PHACTR1: variants seen among roughly 807,000 people sequenced by gnomAD.
PHACTR1 encodes phosphatase and actin regulator 1, also known as RPEL repeat containing 1.
PHACTR1 carries 16 observed loss-of-function variants against 69.2 expected under a neutral mutation model. That is an observed-to-expected ratio of 0.23 (90% confidence interval 0.16 to 0.35). The LOEUF (loss-of-function observed/expected upper bound fraction) is 0.35. PHACTR1 is among the 10% of genes least tolerant of loss of function. The pLI is 1.00. For missense variants in PHACTR1, 510 were observed against 734.7 expected, an observed-to-expected ratio of 0.69 and a Z score of 3.54; for synonymous variants, 312 against 284.5, an observed-to-expected ratio of 1.10 and a Z score of -0.97.
At chr6:12,760,533 A>T (rs2127610168) in intron 4 of PHACTR1, among the ~76,000 whole-genome samples, 1 of 152,272 alleles carries the variant, frequency 6.6e-6, no homozygotes, top group African/African-American at 2.4e-5. Context: ...GAGCAGAGAA[A>T]GAGATACAGG....
intron 4 of PHACTR1, among the ~76,000 whole-genome samples, chr6:12,963,881 CT>C (rs1377923015): frequency 6.6e-6 from 1 of 152,194 alleles, no homozygotes; most frequent in Non-Finnish European, 1.5e-5. Flanking sequence ...TTATTTAGCT[CT>C]GATTTCAAGG....
chr6:13,247,499 C>T (rs1396782200), intron 10 of PHACTR1, among the ~76,000 whole-genome samples: 1 of 152,098 alleles, frequency 6.6e-6, no homozygotes, highest in Admixed American at 6.5e-5. Flanking sequence ...GCGCCAGCCA[C>T]CATGCCTGGC....
Position 13,101,781 on chromosome 6 carries a change from G to A in PHACTR1, c.415+48252G>A, listed in dbSNP as rs1815203638. ...AAGAGATTTCTGAAAAGACAAAGAG[G>A]AGCTTAACTTTTGCAATAAGAATGG... On this transcript the variant is annotated intron_variant, in intron 5 of 14. Transcript: ENST00000332995. 2.0e-5 allele frequency among the ~76,000 whole-genome samples: 3 copies of A among 152,144 alleles called. No homozygotes were observed. The South Asian group carries it at 6.2e-4, about 32-fold the overall frequency.
chr6:13,042,191 C>T (rs555951506), intron 4 of PHACTR1, among the ~76,000 whole-genome samples: 36 of 152,230 alleles, frequency 2.4e-4, no homozygotes, highest in Non-Finnish European at 4.0e-4. Flanking sequence ...AAATGTTATA[C>T]CCCACCTACA....
chr6:13,218,019 G>A (rs1767945259), intron 8 of PHACTR1, among the ~76,000 whole-genome samples: 1 of 152,156 alleles, frequency 6.6e-6, no homozygotes, highest in Admixed American at 6.5e-5. Context: ...TTGGCTTTCA[G>A]TGTCATATTT....
At chr6:13,121,194 G>T (rs1026199647) in intron 5 of PHACTR1, among the ~76,000 whole-genome samples, 15 of 152,200 alleles carry the variant, frequency 9.9e-5, no homozygotes, top group African/African-American at 3.6e-4. Context: ...AGTACAGTGT[G>T]CCTGGAGGGA....
chr6:12,758,216 A>T (rs1188832624), intron 4 of PHACTR1, among the ~76,000 whole-genome samples: 1 of 152,102 alleles, frequency 6.6e-6, no homozygotes, highest in African/African-American at 2.4e-5. Context: ...AGGCTGAGGC[A>T]GGCAGATTAC....
chr6:12,951,626 A>G (rs1341302380), intron 4 of PHACTR1, among the ~76,000 whole-genome samples: 1 of 152,188 alleles, frequency 6.6e-6, no homozygotes, highest in East Asian at 1.9e-4. Flanking sequence ...CACACAGAGC[A>G]AAAAGCCTCT....
chr6:12,844,450 A>G, intron 4 of PHACTR1, among the ~76,000 whole-genome samples: 1 of 152,016 alleles, frequency 6.6e-6, no homozygotes, highest in East Asian at 1.9e-4. Context: ...AACAAGAGCA[A>G]CTATCGCACT....
intron 4 of PHACTR1, among the ~76,000 whole-genome samples, chr6:12,862,959 A>C (rs973839470): frequency 6.6e-6 from 1 of 152,156 alleles, no homozygotes; most frequent in Non-Finnish European, 1.5e-5. Flanking sequence ...CCCCAGAGCT[A>C]CCCCTTACCA....
intron 5 of PHACTR1, among the ~76,000 whole-genome samples, chr6:13,089,468 A>G (rs996878402): frequency 6.6e-6 from 1 of 152,200 alleles, no homozygotes; most frequent in East Asian, 1.9e-4. Flanking sequence ...GCAGCCAGGA[A>G]TACGTCAGCT....
chr6:12,749,641 C>A lies in PHACTR1; in HGVS notation c.104-3C>A, dbSNP rs1766317082. 6.3e-7 allele frequency: 1 copy of A among 1,599,974 alleles called. No individual in the cohort carries two copies. The highest frequency in any genetic ancestry group is 8.5e-7 in the Non-Finnish European group (1 of 1,172,634). On this transcript the variant is annotated splice_region_variant and splice_polypyrimidine_tract_variant and intron_variant, in intron 3 of 14. Transcript: ENST00000332995. ...TCTCCCTCCGTCTCCTTCTCCCTCT[C>A]AGCTCGCCGGGCGACCCTGCTCCTG...
chr6:12,862,059 TA>T (rs1248117773), intron 4 of PHACTR1, among the ~76,000 whole-genome samples: 1 of 152,142 alleles, frequency 6.6e-6, no homozygotes, highest in Non-Finnish European at 1.5e-5. Context: ...GATCTACAGA[TA>T]AATATTGTCT....
intron 4 of PHACTR1, among the ~76,000 whole-genome samples, chr6:12,854,503 G>A (rs1024892935): frequency 1.3e-5 from 2 of 152,164 alleles, no homozygotes. Context: ...TTAGATGGAT[G>A]AATTTTTGTC....
chr6:12,830,015 AG>A, intron 4 of PHACTR1, among the ~76,000 whole-genome samples: 1 of 147,156 alleles, frequency 6.8e-6, no homozygotes, highest in African/African-American at 2.5e-5. Flanking sequence ...GAAGGAAGGA[AG>A]GAAAAGAAAG....
At chr6:13,059,119 T>C (rs972761169) in intron 5 of PHACTR1, among the ~76,000 whole-genome samples, 3 of 152,072 alleles carry the variant, frequency 2.0e-5, no homozygotes, top group Admixed American at 6.6e-5. Context: ...CATTTTGACA[T>C]TTGGGGGCAA....
chr6:13,069,168 A>AAG (rs1037788571), intron 5 of PHACTR1, among the ~76,000 whole-genome samples: 1 of 152,188 alleles, frequency 6.6e-6, no homozygotes, highest in Non-Finnish European at 1.5e-5. Flanking sequence ...ATGGCCCTCC[A>AAG]CTGTCTACCA....
In PHACTR1 at chr6:12,716,814, A is replaced by G. The variant is rs1007197105; in HGVS notation, c.-364A>G. On this transcript the variant is annotated 5_prime_UTR_variant, in exon 1 of 15. Transcript: ENST00000332995. ...TTGAAGGGAAAATTAGAAGCTGTTC[A>G]TTTGTGCTTGCGGGCTCAGAAGCGT... 6.6e-6 allele frequency: 1 copy of G among 152,182 alleles called. No homozygotes were observed. The highest frequency in any genetic ancestry group is 2.4e-5 in the African/African-American group (1 of 41,422). 9.4% of individuals were successfully genotyped at this position (152,182 alleles called of 1,614,324 possible).
chr6:12,856,251 C>CTTTTTTTTTTT (rs201867496), intron 4 of PHACTR1, among the ~76,000 whole-genome samples: 12 of 95,320 alleles, frequency 1.3e-4, no homozygotes, highest in African/African-American at 3.0e-4. Context: ...TTCTTTCTTT[C>CTTTTTTTTTTT]TTTCTTTTTT....
Sources: gnomAD v4.1 joint callset for allele counts (sites outside exome capture counted in the v4.1 genomes callset) on GRCh38, gnomAD v4.1.1 for gene constraint, MANE v1.5 for transcripts, NCBI Gene and HGNC (gene_info 2026-07-23, HGNC 2026-07-21) for gene names.